Variants in SAMSN1 observed in about 807,000 individuals in gnomAD.
The protein encoded by SAMSN1 is SAM domain, SH3 domain and nuclear localization signals 1, also known as SAM domain-containing protein SAMSN-1.
SAMSN1 carries 31 observed loss-of-function variants against 42.0 expected under a neutral mutation model. That is an observed-to-expected ratio of 0.74 (90% CI 0.55 to 1.00). SAMSN1 has a LOEUF of 1.00. SAMSN1 is among the 50% of genes least tolerant of loss of function. The probability of loss-of-function intolerance (pLI) is 0.00; values close to 1 mark genes in which losing one functional copy is unlikely to be tolerated. For missense variants in SAMSN1, 464 were observed against 439.4 expected, an observed-to-expected ratio of 1.06 and a Z score of -0.50; for synonymous variants, 178 against 151.9, an observed-to-expected ratio of 1.17 and a Z score of -1.26.
chr21:14,633,847 C>T (rs1356922209), intron 2 of SAMSN1, among the ~76,000 whole-genome samples: 1 of 152,094 alleles, frequency 6.6e-6, no homozygotes, highest in Non-Finnish European at 1.5e-5. Flanking sequence ...TGACCTTGGC[C>T]TCATTAGTGC....
At chr21:14,534,002 C>T (rs1201608609) in intron 1 of SAMSN1, among the ~76,000 whole-genome samples, 2 of 152,204 alleles carry the variant, frequency 1.3e-5, no homozygotes, top group East Asian at 1.9e-4. Context: ...TATTTCTAGG[C>T]TGTCTGCAAA....
chr21:14,591,957 C>G (rs459526), intron 7 of SAMSN1: 1 of 151,938 alleles, frequency 6.6e-6, no homozygotes, highest in East Asian at 1.9e-4. Flanking sequence ...AATGTCACTG[C>G]CATTTCTCCA....
chr21:14,548,874 G>A (rs1336777290), upstream of SAMSN1, among the ~76,000 whole-genome samples: 1 of 151,956 alleles, frequency 6.6e-6, no homozygotes, highest in Non-Finnish European at 1.5e-5. Context: ...CAGAGAGTCA[G>A]TACAGAGCAC....
chr21:14,651,240 T>C lies in SAMSN1; in HGVS notation c.24+7508A>G, dbSNP rs117483779. 7.5e-3 allele frequency among the ~76,000 whole-genome samples: 1,137 copies of C among 151,472 alleles called. 7 individuals carry two copies. The highest frequency in any genetic ancestry group is 0.012 in the Non-Finnish European group (828 of 67,716). The stretch of plus-strand genomic sequence containing the variant: ...AGACACATCAAAAAAAAAAGAAGAC[T>C]ACAGGCCAATATTTCTGATGAATAT... On this transcript the variant is annotated intron_variant, in intron 1 of 15. Coordinates refer to the SAMSN1 transcript ENST00000647101.
intron 1 of SAMSN1, among the ~76,000 whole-genome samples, chr21:14,532,833 C>A (rs1333347636): frequency 6.6e-6 from 1 of 151,858 alleles, no homozygotes; most frequent in East Asian, 1.9e-4. Context: ...TATGTAATAA[C>A]TTACAATATA....
At chr21:14,600,341 T>C (rs982497154) in intron 6 of SAMSN1, among the ~76,000 whole-genome samples, 1 of 152,242 alleles carries the variant, frequency 6.6e-6, no homozygotes, top group African/African-American at 2.4e-5. Flanking sequence ...TATTCTGTCA[T>C]ATAGATAAGT....
In SAMSN1 at chr21:14,628,057, T is replaced by C. The variant is rs188652722; in HGVS notation, c.157-12041A>G. 3.9e-5 allele frequency among the ~76,000 whole-genome samples: 6 copies of C among 152,216 alleles called. No individual in the cohort carries two copies. In the East Asian group the frequency reaches 9.6e-4, roughly 24 times the overall value. ...GGAGCTGAAATTATTTTTATAGTAA[T>C]AGAAAGAAATTTCTGCAATAAGACT... On this transcript the variant is annotated intron_variant, in intron 2 of 15. Transcript: ENST00000647101.
intron 2 of SAMSN1, among the ~76,000 whole-genome samples, chr21:14,564,968 C>T (rs907139407): frequency 3.9e-5 from 6 of 152,010 alleles, no homozygotes; most frequent in Non-Finnish European, 7.4e-5. Flanking sequence ...AAAAAGGGCA[C>T]ACCAGGGAGC....
chr21:14,577,227 TA>T, intron 2 of SAMSN1, among the ~76,000 whole-genome samples: 1 of 46,278 alleles, frequency 2.2e-5, no homozygotes, highest in Non-Finnish European at 3.4e-5. Flanking sequence ...GGCTAATTTA[TA>T]TATATGTGTG....
intron 1 of SAMSN1, among the ~76,000 whole-genome samples, chr21:14,525,670 G>A (rs75831487): frequency 0.032 from 4,938 of 152,144 alleles, 120 homozygotes; most frequent in South Asian, 0.065. Flanking sequence ...GCAAATGTGC[G>A]GCTATGAGGA....
chr21:14,505,054 G>C (rs1195081206), intron 5 of SAMSN1, among the ~76,000 whole-genome samples: 1 of 152,118 alleles, frequency 6.6e-6, no homozygotes, highest in African/African-American at 2.4e-5. Flanking sequence ...AATGTTGAGA[G>C]AATTTGTCAC....
upstream of SAMSN1, among the ~76,000 whole-genome samples, chr21:14,585,053 G>A (rs1215558973): frequency 6.6e-6 from 1 of 152,132 alleles, no homozygotes; most frequent in Non-Finnish European, 1.5e-5. Flanking sequence ...TTAAATAAGT[G>A]GGAAAATATT....
intron 5 of SAMSN1, among the ~76,000 whole-genome samples, chr21:14,603,757 T>C (rs1048533126): frequency 6.6e-6 from 1 of 152,160 alleles, no homozygotes; most frequent in African/African-American, 2.4e-5. Flanking sequence ...AGGAATCAAA[T>C]ATATAACTAA....
intron 2 of SAMSN1, among the ~76,000 whole-genome samples, chr21:14,581,550 G>A (rs1428672030): frequency 2.0e-5 from 3 of 150,508 alleles, no homozygotes; most frequent in African/African-American, 4.9e-5. Context: ...TAGTAGAGAC[G>A]GGGTTTCACC....
intron 6 of SAMSN1, among the ~76,000 whole-genome samples, chr21:14,499,295 A>T (rs1987040535): frequency 6.6e-6 from 1 of 152,132 alleles, no homozygotes; most frequent in Non-Finnish European, 1.5e-5. Context: ...CAAAGTCTGT[A>T]TGTTATTTTG....
At chr21:14,582,037 CTG>C in intron 2 of SAMSN1, 1 of 1,179,490 alleles carries the variant, frequency 8.5e-7, no homozygotes, top group Admixed American at 3.0e-5. Flanking sequence ...TTTTCTGAAA[CTG>C]ATAAATTTCA....
At chr21:14,533,527 T>C (rs1468381650) in intron 1 of SAMSN1, among the ~76,000 whole-genome samples, 3 of 152,182 alleles carry the variant, frequency 2.0e-5, no homozygotes, top group Non-Finnish European at 2.9e-5. Context: ...AGGAAGACAA[T>C]ACATTGGTCA....
chr21:14,495,740 T>G (rs1986889832), intron 7 of SAMSN1: 1 of 152,198 alleles, frequency 6.6e-6, no homozygotes, highest in African/African-American at 2.4e-5. Context: ...AGACACTATG[T>G]TTTGTTTTCA....
At chr21:14,524,981 C>G (rs1978746116) in intron 1 of SAMSN1, among the ~76,000 whole-genome samples, 1 of 152,122 alleles carries the variant, frequency 6.6e-6, no homozygotes, top group Admixed American at 6.5e-5. Flanking sequence ...AAAGGGACAA[C>G]TTAGACATTT....
Sources: gnomAD v4.1 joint callset for allele counts (sites outside exome capture counted in the v4.1 genomes callset) on GRCh38, gnomAD v4.1.1 for gene constraint, MANE v1.5 for transcripts, NCBI Gene and HGNC (gene_info 2026-07-23, HGNC 2026-07-21) for gene names.